ZNF462: variants seen among roughly 807,000 people sequenced by gnomAD.
ZNF462 encodes the protein zinc finger protein 462, also known as zinc finger PBX1-interacting protein.
A neutral mutation model predicts 201.9 loss-of-function variants in ZNF462; 10 were observed. The ratio of observed to expected loss-of-function variants is 0.05; its 90% CI spans 0.03 to 0.08. ZNF462 has a LOEUF of 0.08. ZNF462 is among the 10% of genes least tolerant of loss of function. The probability of loss-of-function intolerance (pLI) is 1.00; values close to 1 mark genes in which losing one functional copy is unlikely to be tolerated. For missense variants in ZNF462, 2,523 were observed against 3,168.3 expected, an observed-to-expected ratio of 0.80 and a Z score of 4.89; for synonymous variants, 1,227 against 1,193.3, an observed-to-expected ratio of 1.03 and a Z score of -0.58.
intron 7 of ZNF462, 150 bp from the exon 8 acceptor site, chr9:106,971,855 T>C: frequency 1.1e-6 from 1 of 925,806 alleles, no homozygotes; most frequent in South Asian, 1.7e-5. Flanking sequence ...AATCATCATC[T>C]TGTACACCTT....
In ZNF462 at chr9:107,003,285, CT is replaced by C. The variant is rs1564167204; in HGVS notation, c.7057-4del. 1.2e-6 allele frequency: 2 copies of C among 1,613,108 alleles called. No homozygotes were observed. The highest frequency in any genetic ancestry group is 1.7e-6 in the Non-Finnish European group (2 of 1,179,504). On this transcript the variant is annotated splice_region_variant and splice_polypyrimidine_tract_variant and intron_variant, in intron 10 of 12. Transcript: ENST00000277225. The surrounding 1 kb of genome is among the most constrained non-coding windows in gnomAD (Gnocchi z 4.4). Reference sequence around the variant, plus strand: ...TTATTATTCCATCATTTGTTTGGGCCTTTTTCAGGTAAGCCGTAACTTTGAG... The same window carrying C: ...TTATTATTCCATCATTTGTTTGGGCCTTTTCAGGTAAGCCGTAACTTTGAG...
intron 1 of ZNF462, among the ~76,000 whole-genome samples, chr9:106,889,984 T>C (rs1828504827): frequency 6.6e-6 from 1 of 152,226 alleles, no homozygotes; most frequent in Non-Finnish European, 1.5e-5. Context: ...ACAGTGGCAT[T>C]GATACTTACA....
In ZNF462 at chr9:106,991,245, A is replaced by C. The variant is rs142522453; in HGVS notation, c.7056+6836A>C. Among the ~76,000 whole-genome samples the C allele has an allele frequency of 3.1e-3, 471 of 152,144 alleles. 2 individuals carry two copies. The highest frequency in any genetic ancestry group is 0.011 in the African/African-American group (444 of 41,560). On this transcript the variant is annotated intron_variant, in intron 10 of 12. Coordinates refer to ENST00000277225, the MANE Select transcript of ZNF462 (RefSeq NM_021224.6). ...TAAAATCAATATACAAAAATCAGTT[A>C]TGTTTCTGTATACTAGTAATGGACA...
Position 106,924,353 on chromosome 9 carries a change from C to T in ZNF462, c.441C>T (p.Ser147=), listed in dbSNP as rs140067056. ...CATCAGGACCCCCTGTCCCGGGATC[C>T]TTAAATTATAATATCATGATGCACG... The part of the protein sequence containing the change: ...GSSSGPPVPG[S]LNYNIMMHEG... Residue 147 remains serine, a synonymous_variant, in exon 3 of 13, where the codon TCC becomes TCT. Coordinates refer to ENST00000277225, the MANE Select transcript of ZNF462 (RefSeq NM_021224.6). This position sits in a 1 kb window ranked among gnomAD's most constrained non-coding sequence, Gnocchi z 6.2. The T allele has an allele frequency of 1.2e-6, 2 of 1,614,136 alleles. No individual in the cohort carries two copies. Among genetic ancestry groups the T allele is most frequent in the South Asian group, 2.2e-5 (2 of 91,078 alleles).
In ZNF462 at chr9:106,920,216, C is replaced by T. The variant is rs1000179757; in HGVS notation, c.-30-3138C>T. Among the ~76,000 whole-genome samples, 2 of 151,752 alleles carry T rather than the reference C, an allele frequency of 1.3e-5. No homozygotes were observed. The highest frequency in any genetic ancestry group is 3.9e-4 in the East Asian group (2 of 5,140). On this transcript the variant is annotated intron_variant, in intron 1 of 12. Transcript: ENST00000277225. This position sits in a 1 kb window ranked among gnomAD's most constrained non-coding sequence, Gnocchi z 4.3. ...CTGCAAAAACATATGAATGGGTCATCGTCATGTCCAGTGTGTTTTTGTCTC... is the reference window on the plus strand; with the variant it reads ...CTGCAAAAACATATGAATGGGTCATTGTCATGTCCAGTGTGTTTTTGTCTC...
chr9:106,990,901 C>T (rs2132398817), intron 10 of ZNF462, among the ~76,000 whole-genome samples: 1 of 152,048 alleles, frequency 6.6e-6, no homozygotes, highest in South Asian at 2.1e-4. Context: ...GAATTTTTGG[C>T]TGACAGCCAG....
chr9:106,986,472 A>C (rs140491803), intron 10 of ZNF462, among the ~76,000 whole-genome samples: 1 of 152,168 alleles, frequency 6.6e-6, no homozygotes, highest in African/African-American at 2.4e-5. Flanking sequence ...TTGAGACCCA[A>C]TACATTCCTT....
chr9:106,908,910 CATATATATAT>C (rs1192231869), intron 1 of ZNF462, among the ~76,000 whole-genome samples: 3,003 of 43,964 alleles, frequency 0.068, 101 homozygotes, highest in African/African-American at 0.084. Context: ...CCCATATATA[CATATATATAT>C]ATATATATAT....
chr9:106,867,133 T>A (rs562979503), intron 1 of ZNF462, among the ~76,000 whole-genome samples: 2 of 152,326 alleles, frequency 1.3e-5, no homozygotes, highest in South Asian at 2.1e-4. Context: ...TAACTGGTTA[T>A]CTAAGACACA....
At chr9:106,980,619 G>A (rs1209970843) in intron 9 of ZNF462, among the ~76,000 whole-genome samples, 1 of 152,140 alleles carries the variant, frequency 6.6e-6, no homozygotes, top group Non-Finnish European at 1.5e-5. Context: ...TTGCACCTTA[G>A]TACACATGTG....
intron 1 of ZNF462, among the ~76,000 whole-genome samples, chr9:106,912,441 G>A (rs1021786989): frequency 6.6e-6 from 1 of 152,152 alleles, no homozygotes; most frequent in African/African-American, 2.4e-5. Context: ...ACTCTCCTGG[G>A]TGTGGATTCA....
chr9:106,873,399 G>T (rs1827683783), intron 1 of ZNF462, among the ~76,000 whole-genome samples: 1 of 151,500 alleles, frequency 6.6e-6, no homozygotes, highest in East Asian at 1.9e-4. Context: ...TGTTATGGCA[G>T]GAAGATATGC....
chr9:106,905,697 G>A lies in ZNF462; in HGVS notation c.-30-17657G>A, dbSNP rs999094085. Among the ~76,000 whole-genome samples, 2 of 152,158 alleles carry A rather than the reference G, an allele frequency of 1.3e-5. No individual in the cohort carries two copies. Among genetic ancestry groups the A allele is most frequent in the Non-Finnish European group, 2.9e-5 (2 of 68,034 alleles). On this transcript the variant is annotated intron_variant, in intron 1 of 12. Coordinates refer to ENST00000277225, the MANE Select transcript of ZNF462 (RefSeq NM_021224.6). This position sits in a 1 kb window ranked among gnomAD's most constrained non-coding sequence, Gnocchi z 5.9. ...CTGAGTCGTACAGGTTGTCAGGGAA[G>A]TGGGGGAAAGCCAGCAGTCATGAAG...
chr9:106,953,887 C>T (rs1443698075), intron 7 of ZNF462, among the ~76,000 whole-genome samples: 1 of 152,170 alleles, frequency 6.6e-6, no homozygotes, highest in Non-Finnish European at 1.5e-5. Context: ...CTCTGCCACT[C>T]CAGGTCTTGT....
At chr9:106,987,771 T>C (rs1827964749) in intron 10 of ZNF462, among the ~76,000 whole-genome samples, 2 of 152,332 alleles carry the variant, frequency 1.3e-5, no homozygotes, top group Admixed American at 1.3e-4. Context: ...TCCAATGTTA[T>C]CTTCTAGAAT....
intron 7 of ZNF462, among the ~76,000 whole-genome samples, chr9:106,939,893 A>G (rs1830793437): frequency 6.6e-6 from 1 of 152,180 alleles, no homozygotes; most frequent in African/African-American, 2.4e-5. Flanking sequence ...AGAGAAGGAG[A>G]GGAAGTCTGC....
intron 7 of ZNF462, among the ~76,000 whole-genome samples, chr9:106,964,008 CGTGTGTGTGTGTGTGTGTGTGT>C (rs111450825): frequency 6.8e-6 from 1 of 146,748 alleles, no homozygotes; most frequent in Non-Finnish European, 1.5e-5. Flanking sequence ...AAATAATATT[CGTGTGTGTGTGTGTGTGTGTGT>C]GTGTGTGTGT....
chr9:106,900,228 G>C (rs1829004197), intron 1 of ZNF462, among the ~76,000 whole-genome samples: 1 of 151,308 alleles, frequency 6.6e-6, no homozygotes, highest in Non-Finnish European at 1.5e-5. Flanking sequence ...GTGTGTGTGT[G>C]TGTGTGTGTG....
intron 1 of ZNF462, among the ~76,000 whole-genome samples, chr9:106,874,880 C>G (rs1330845509): frequency 6.6e-6 from 1 of 152,162 alleles, no homozygotes; most frequent in Admixed American, 6.5e-5. Flanking sequence ...GTGGCTGTAG[C>G]TTGTTAATAA....
Sources: gnomAD v4.1 joint callset for allele counts (sites outside exome capture counted in the v4.1 genomes callset) on GRCh38, gnomAD v4.1.1 for gene constraint, Gnocchi (gnomAD v3.1) non-coding constraint, MANE v1.5 for transcripts, NCBI Gene and HGNC (gene_info 2026-07-23, HGNC 2026-07-21) for gene names.